The following TTF1 variants were observed in gnomAD, a reference collection of about 807,000 sequenced individuals.
TTF1 encodes transcription termination factor 1, also known as transcription termination factor, RNA polymerase I.
TTF1 carries 64 observed loss-of-function variants against 80.2 expected under a neutral mutation model. That is an observed-to-expected ratio of 0.80 (90% CI 0.65 to 0.98). The LOEUF is 0.98. Among genes scored for constraint, TTF1 ranks in the 50% least tolerant of loss-of-function variants. The pLI is 0.00. For missense variants in TTF1, 1,023 were observed against 1,086.2 expected (o/e 0.94, Z 0.82); for synonymous variants, 372 against 382.7 (o/e 0.97, Z 0.33).
At position 132,402,013 on chromosome 9, in the gene TTF1, G is replaced by A; in HGVS notation, c.809C>T (p.Thr270Ile). 1 of 1,613,820 alleles carries A rather than the reference G, an allele frequency of 6.2e-7. No homozygotes were observed. Among genetic ancestry groups the A allele is most frequent in the Non-Finnish European group, 8.5e-7 (1 of 1,179,982 alleles). The change falls in exon 2 of 11, where the codon ACT becomes ATT. Residue 270 changes from threonine to isoleucine, a missense_variant. By Grantham distance (89) the Thr-to-Ile change is moderately conservative (BLOSUM62 -1). Coordinates refer to ENST00000334270, the MANE Select transcript of TTF1 (RefSeq NM_007344.4). ...TTTTTTCTTAGACTTTTTTTTGTGA[G>A]TAGGTCCTAGTAGTTGTGGAGTTTC... ...DDETPQLLGP[T>I]HKKKSKKKKK...
At chr9:132,398,915 G>A (rs1849706082) in intron 3 of TTF1, among the ~76,000 whole-genome samples, 1 of 152,128 alleles carries the variant, frequency 6.6e-6, no homozygotes, top group East Asian at 1.9e-4. Context: ...AATATCTTAT[G>A]GGCAAGGCAC....
At chr9:132,386,757 G>A (rs183432023) in intron 8 of TTF1, 136 bp from the exon 9 acceptor site, 2 of 674,528 alleles carry the variant, frequency 3.0e-6, no homozygotes, top group East Asian at 5.6e-5. Context: ...CACATGCACA[G>A]TGAGCTCAGC....
chr9:132,391,930 A>G (rs547324444), intron 6 of TTF1, 146 bp downstream of exon 6: 98 of 1,353,478 alleles, frequency 7.2e-5, no homozygotes, highest in Non-Finnish European at 8.2e-5. Flanking sequence ...AAACCAAACA[A>G]ATTAGTATAG....
At chr9:132,382,061 G>C (rs1025093756) in intron 9 of TTF1, among the ~76,000 whole-genome samples, 3 of 152,160 alleles carry the variant, frequency 2.0e-5, no homozygotes, top group African/African-American at 7.2e-5. Flanking sequence ...ACACGTAGAG[G>C]GCCTGTGCTC....
At chr9:132,404,884 C>CT (rs1002192971) in intron 1 of TTF1, among the ~76,000 whole-genome samples, 5 of 151,764 alleles carry the variant, frequency 3.3e-5, no homozygotes, top group Non-Finnish European at 4.4e-5. Flanking sequence ...CCGATTATTT[C>CT]TTTTTTTTCT....
intron 2 of TTF1, 64 bp downstream of exon 2, chr9:132,401,391 G>A: frequency 7.0e-7 from 1 of 1,436,812 alleles, no homozygotes; most frequent in Non-Finnish European, 9.3e-7. Context: ...GCTAAATAAA[G>A]AGGTATCGGC....
chr9:132,387,604 T>A (rs1314907915), intron 8 of TTF1, among the ~76,000 whole-genome samples: 3 of 152,118 alleles, frequency 2.0e-5, no homozygotes, highest in African/African-American at 7.2e-5. Flanking sequence ...CTCTTTCCTG[T>A]TCCTCAGTCG....
Position 132,402,582 on chromosome 9 carries a change from A to G in TTF1, c.240T>C (p.Thr80=), listed in dbSNP as rs750335564. The change falls in exon 2 of 11, where the codon ACT becomes ACC. Residue 80 remains threonine, a synonymous_variant. Coordinates refer to ENST00000334270, the MANE Select transcript of TTF1 (RefSeq NM_007344.4). ...SRICDETANA[T]STLKKRKKRR... Reference sequence around the variant, plus strand: ...TCTTTTTTCTCTTTTTGAGTGTGGAAGTGGCATTTGCAGTCTCATCACAGA... The same window carrying G: ...TCTTTTTTCTCTTTTTGAGTGTGGAGGTGGCATTTGCAGTCTCATCACAGA... 13 of 1,614,010 alleles carry G rather than the reference A, an allele frequency of 8.1e-6. No homozygotes were observed. The highest frequency in any genetic ancestry group is 1.1e-5 in the Non-Finnish European group (13 of 1,180,044).
Position 132,401,546 on chromosome 9 carries a change from C to T in TTF1, c.1276G>A (p.Gly426Ser). 1 of 1,614,168 alleles carries T rather than the reference C, an allele frequency of 6.2e-7. No individual in the cohort carries two copies. ...TTCACACCTTCTTCCATCATGGCGC[C>T]ATCACCTTCTACTGAATCAAAGAGT... ...STLFDSVEGDGAMMEEGVKSR... is the reference protein window; with the variant it reads ...STLFDSVEGDSAMMEEGVKSR... Residue 426 changes from glycine to serine, a missense_variant, in exon 2 of 11, where the codon GGC (glycine) becomes AGC (serine). Coordinates refer to ENST00000334270, the MANE Select transcript of TTF1 (RefSeq NM_007344.4).
In TTF1 at chr9:132,400,243, A is replaced by G; in HGVS notation, c.1383T>C (p.Asn461=). 2 of 1,614,130 alleles carry G rather than the reference A, an allele frequency of 1.2e-6. No homozygotes were observed. Among genetic ancestry groups the G allele is most frequent in the Non-Finnish European group, 1.7e-6 (2 of 1,180,016 alleles). ...VQEAPRLEPA[N]EEHNVETAED... Reference sequence around the variant, plus strand: ...CAGCTGTTTCCACATTGTGTTCTTCATTTGCAGGTTCTAACCTAAGGGGTT... The same window carrying G: ...CAGCTGTTTCCACATTGTGTTCTTCGTTTGCAGGTTCTAACCTAAGGGGTT... Residue 461 remains asparagine, a synonymous_variant, in exon 3 of 11, where the codon AAT becomes AAC. Coordinates refer to ENST00000334270, the MANE Select transcript of TTF1 (RefSeq NM_007344.4).
At chr9:132,379,250 T>TA (rs1849324406) in intron 9 of TTF1, 106 bp from the exon 10 acceptor site, 1 of 745,390 alleles carries the variant, frequency 1.3e-6, no homozygotes, top group African/African-American at 1.8e-5. Context: ...TAGTTTTTTT[T>TA]ATCGTAAACA....
chr9:132,397,112 C>T (rs1019831820), intron 4 of TTF1, among the ~76,000 whole-genome samples: 7 of 152,094 alleles, frequency 4.6e-5, no homozygotes, highest in African/African-American at 1.4e-4. Flanking sequence ...ATGCTTAGTA[C>T]CCTGAGGCTT....
At position 132,390,806 on chromosome 9, in the gene TTF1, C is replaced by T. The variant is rs1476143480; in HGVS notation, c.2013G>A (p.Lys671=). The part of the protein sequence containing the change: ...SSQRNRGAWS[K]SETRKLIKAV... ...CCTTGATTAGTTTCCGGGTTTCAGA[C>T]TTACTCCAAGCACCACGATTTCTTT... Residue 671 remains lysine, a synonymous_variant, in exon 7 of 11, where the codon AAG becomes AAA. Transcript: ENST00000334270. 2 of 1,614,048 alleles carry T rather than the reference C, an allele frequency of 1.2e-6. No homozygotes were observed. The highest frequency in any genetic ancestry group is 1.3e-5 in the African/African-American group (1 of 74,914).
chr9:132,393,854 T>A (rs1322800240), intron 5 of TTF1, among the ~76,000 whole-genome samples: 1 of 152,194 alleles, frequency 6.6e-6, no homozygotes, highest in Non-Finnish European at 1.5e-5. Flanking sequence ...TTATAACATC[T>A]TCAGATTCCT....
intron 1 of TTF1, among the ~76,000 whole-genome samples, chr9:132,406,323 C>G (rs574982901): frequency 6.6e-6 from 1 of 152,260 alleles, no homozygotes; most frequent in African/African-American, 2.4e-5. Context: ...AAGCCGCGGC[C>G]GGGCGCGGTG....
At position 132,402,699 on chromosome 9, in the gene TTF1, GGA is replaced by G. The variant is rs1849790006; in HGVS notation, c.121_122del (p.Ser41ProfsTer4). 6.2e-7 allele frequency: 1 copy of G among 1,613,922 alleles called. No individual in the cohort carries two copies. The highest frequency in any genetic ancestry group is 1.7e-5 in the Admixed American group (1 of 59,984). ...KHSHEIFRDSSLVNEQSQITR... is the reference protein window; with the variant it reads ...KHSHEIFRDSXLVNEQSQITR... The stretch of plus-strand genomic sequence containing the variant: ...TTATTTGAGACTGTTCATTCACCAG[GGA>G]GGAGTCTCTGAAAATTTCGTGGGAA... On this transcript the variant is annotated frameshift_variant, in exon 2 of 11. Coordinates refer to ENST00000334270, the MANE Select transcript of TTF1 (RefSeq NM_007344.4). LOFTEE classifies it high-confidence loss of function.
At chr9:132,406,281 T>C (rs1277560906) in intron 1 of TTF1, among the ~76,000 whole-genome samples, 2 of 152,102 alleles carry the variant, frequency 1.3e-5, no homozygotes, top group Admixed American at 1.3e-4. Flanking sequence ...TAACCAGATG[T>C]GAATTCTGCA....
chr9:132,401,435 GA>G lies in TTF1; in HGVS notation c.1367+19del. The G allele has an allele frequency of 6.3e-7, 1 of 1,582,660 alleles. No homozygotes were observed. Among genetic ancestry groups the G allele is most frequent in the Non-Finnish European group, 8.6e-7 (1 of 1,164,322 alleles). On this transcript the variant is annotated intron_variant, in intron 2 of 10. Transcript: ENST00000334270. ...TACGAAAGAAATATACCAGCAGCTG[GA>G]ATACCACTCCCTCGTTACCTTGGCG... is the stretch of plus-strand genomic sequence containing the variant.
rs916575240 is a variant in TTF1, at chr9:132,401,564, CAA to C, written c.1256_1257del (p.Phe419Ter). ...ATGGCGCCATCACCTTCTACTGAAT[CAA>C]AGAGTGTGCTCTCAGAGTTCTTACT... ...VPSKNSESTLFDSVEGDGAMM... is the reference protein window; with the variant it reads ...VPSKNSESTLXDSVEGDGAMM... On this transcript the variant is annotated frameshift_variant, in exon 2 of 11. Coordinates refer to ENST00000334270, the MANE Select transcript of TTF1 (RefSeq NM_007344.4). LOFTEE classifies it high-confidence loss of function. 12 of 1,614,008 alleles carry C rather than the reference CAA, an allele frequency of 7.4e-6. No homozygotes were observed. The highest frequency in any genetic ancestry group is 2.7e-5 in the African/African-American group (2 of 74,896).
Sources: gnomAD v4.1 joint callset for allele counts (sites outside exome capture counted in the v4.1 genomes callset) on GRCh38, gnomAD v4.1.1 for gene constraint, MANE v1.5 for transcripts, NCBI Gene and HGNC (gene_info 2026-07-23, HGNC 2026-07-21) for gene names.